The following RASGRF1 variants were observed in gnomAD, a reference collection of about 807,000 sequenced individuals.
RASGRF1 encodes the protein ras-specific guanine nucleotide-releasing factor 1.
Under a neutral mutation model 138.7 loss-of-function variants are expected in RASGRF1, and 40 were observed. The observed-to-expected ratio is 0.29, with a 90% CI of 0.22 to 0.38. The LOEUF (loss-of-function observed/expected upper bound fraction) is 0.38. RASGRF1 is among the 10% of genes least tolerant of loss of function. The probability of loss-of-function intolerance (pLI) is 1.00; values close to 1 mark genes in which losing one functional copy is unlikely to be tolerated. For synonymous variants in RASGRF1, 614 were observed against 663.2 expected, an observed-to-expected ratio of 0.93 and a Z score of 1.14; for missense variants, 1,108 against 1,650.4, an observed-to-expected ratio of 0.67 and a Z score of 5.69.
chr15:79,056,830 G>A (rs776407681), intron 3 of RASGRF1, among the ~76,000 whole-genome samples: 5 of 152,158 alleles, frequency 3.3e-5, no homozygotes, highest in Non-Finnish European at 5.9e-5. Flanking sequence ...AGGTGTGATG[G>A]GGCCCTATGC....
intron 23 of RASGRF1, 175 bp downstream of exon 23, chr15:78,984,832 C>A: frequency 1.5e-6 from 1 of 678,464 alleles, no homozygotes; most frequent in Admixed American, 2.2e-5. Context: ...TATCTGTGGG[C>A]CTGCTATCTG....
chr15:78,974,298 C>T (rs2055830279), intron 24 of RASGRF1, among the ~76,000 whole-genome samples: 1 of 152,246 alleles, frequency 6.6e-6, no homozygotes, highest in Admixed American at 6.5e-5. Context: ...CAGCTCAGCA[C>T]ACAGATGCGG....
chr15:79,083,413 C>T (rs146318698), intron 1 of RASGRF1, among the ~76,000 whole-genome samples: 25 of 152,336 alleles, frequency 1.6e-4, no homozygotes, highest in African/African-American at 6.0e-4. Flanking sequence ...ACACGGGCAC[C>T]GGCTCCATGC....
chr15:79,004,852 C>T lies in RASGRF1; in HGVS notation c.2076-677G>A, dbSNP rs955018067. On this transcript the variant is annotated intron_variant, in intron 14 of 26. Coordinates refer to ENST00000558480, the MANE Select transcript of RASGRF1 (RefSeq NM_001145648.3). ...AGGATAGGATTGATCTTTTAACCCTCACTGTTGCCCCAGGACGTAGGCACT... is the reference window on the plus strand; with the variant it reads ...AGGATAGGATTGATCTTTTAACCCTTACTGTTGCCCCAGGACGTAGGCACT... The T allele has an allele frequency of 4.1e-6, 4 of 984,944 alleles. No homozygotes were observed. In the African/African-American group the frequency reaches 7.0e-5, roughly 17 times the overall value. The allele number at this position is 984,944 out of a possible 1,614,324, so 61.0% of individuals were successfully genotyped here. A position where few individuals can be genotyped will look rare whatever the true frequency, so the allele number is the denominator to read the frequency against.
intron 23 of RASGRF1, chr15:78,981,442 C>T (rs770289625): frequency 2.0e-5 from 3 of 152,228 alleles, no homozygotes; most frequent in Non-Finnish European, 4.4e-5. Flanking sequence ...TAGAGACTTC[C>T]TTTGCAGCTC....
At chr15:78,998,639 C>A (rs2304995) in intron 18 of RASGRF1, 80 bp downstream of exon 18, 1 of 1,236,432 alleles carries the variant, frequency 8.1e-7, no homozygotes, top group African/African-American at 1.5e-5. Context: ...CTGCCCGCAG[C>A]TGCTTTTGGA....
At position 79,027,937 on chromosome 15, in the gene RASGRF1, C is replaced by A. The variant is rs2057083598; in HGVS notation, c.1263-78G>T. 1.4e-6 allele frequency: 2 copies of A among 1,423,428 alleles called. No individual in the cohort carries two copies. The highest frequency in any genetic ancestry group is 1.7e-5 in the Admixed American group (1 of 59,184). The allele number at this position is 1,423,428 out of a possible 1,614,324, so 88.2% of individuals were successfully genotyped here. A position where few individuals can be genotyped will look rare whatever the true frequency, so the allele number is the denominator to read the frequency against. On this transcript the variant is annotated intron_variant, in intron 8 of 26. Transcript: ENST00000558480. This position sits in a 1 kb window ranked among gnomAD's most constrained non-coding sequence, Gnocchi z 4.8. ...GGAGGCGAGAATGCCAGGCTTCTGG[C>A]CAGACCTAGGAAGAAAGCCTGGCAC...
Position 79,006,051 on chromosome 15 carries a change from T to G in RASGRF1, c.2075+135A>C. The G allele has an allele frequency of 7.7e-7, 1 of 1,296,272 alleles. No individual in the cohort carries two copies. The highest frequency in any genetic ancestry group is 1.1e-6 in the Non-Finnish European group (1 of 941,564). 80.3% of individuals were successfully genotyped at this position (1,296,272 alleles called of 1,614,324 possible). A position where few individuals can be genotyped will look rare whatever the true frequency, so the allele number is the denominator to read the frequency against. On this transcript the variant is annotated intron_variant, in intron 14 of 26. Transcript: ENST00000558480. This position sits in a 1 kb window ranked among gnomAD's most constrained non-coding sequence, Gnocchi z 4.0. ...GGAGAGGGGGCAGTGGCGGTGTGTGTCCCGCAGCACCCCAACACGTTACTG... is the reference window on the plus strand; with the variant it reads ...GGAGAGGGGGCAGTGGCGGTGTGTGGCCCGCAGCACCCCAACACGTTACTG...
chr15:79,037,510 A>G (rs1038553889), intron 5 of RASGRF1, among the ~76,000 whole-genome samples: 2 of 151,828 alleles, frequency 1.3e-5, no homozygotes, highest in African/African-American at 4.8e-5. Flanking sequence ...CTAGGCTGCA[A>G]TGCCATGGCG....
intron 20 of RASGRF1, among the ~76,000 whole-genome samples, chr15:78,995,338 AGC>A (rs2056369694): frequency 7.0e-6 from 1 of 141,952 alleles, no homozygotes; most frequent in Non-Finnish European, 1.5e-5. Context: ...CCTAGGCTGG[AGC>A]GTGCAGTGGA....
At chr15:79,078,527 G>A (rs549828422) in intron 1 of RASGRF1, among the ~76,000 whole-genome samples, 1 of 152,234 alleles carries the variant, frequency 6.6e-6, no homozygotes, top group Non-Finnish European at 1.5e-5. Flanking sequence ...GAGCAGGAAG[G>A]CAGTCCACGG....
Position 79,004,100 on chromosome 15 carries a change from G to A in RASGRF1, c.2151C>T (p.Ala717=). The A allele has an allele frequency of 1.2e-6, 2 of 1,613,922 alleles. No individual in the cohort carries two copies. The highest frequency in any genetic ancestry group is 1.7e-6 in the Non-Finnish European group (2 of 1,179,986). Residue 717 remains alanine, a synonymous_variant, in exon 15 of 27, where the codon GCC becomes GCT. Coordinates refer to ENST00000558480, the MANE Select transcript of RASGRF1 (RefSeq NM_001145648.3). ...GTGGCGGCGAGGAGAACTTGCGGGTGGCGCGCGGGGACTTGGGGGGTTCAC... is the reference window on the plus strand; with the variant it reads ...GTGGCGGCGAGGAGAACTTGCGGGTAGCGCGCGGGGACTTGGGGGGTTCAC... The part of the protein sequence containing the change: ...LYGEPPKSPR[A]TRKFSSPPPL...
intron 1 of RASGRF1, among the ~76,000 whole-genome samples, chr15:79,072,692 T>G (rs142194729): frequency 4.6e-5 from 7 of 152,340 alleles, no homozygotes; most frequent in African/African-American, 1.7e-4. Context: ...CTGGCTGACC[T>G]GAGTCACCTT....
intron 24 of RASGRF1, chr15:78,978,636 G>A (rs1036107708): frequency 1.0e-6 from 1 of 1,003,284 alleles, no homozygotes; most frequent in African/African-American, 1.7e-5. Context: ...GGAGGTCATT[G>A]GCTATGCCCA....
intron 1 of RASGRF1, among the ~76,000 whole-genome samples, chr15:79,079,538 C>A (rs1375566350): frequency 6.6e-6 from 1 of 151,506 alleles, no homozygotes; most frequent in African/African-American, 2.4e-5. Context: ...AATGTACTTG[C>A]AGAGAATCCT....
intron 1 of RASGRF1, among the ~76,000 whole-genome samples, chr15:79,089,487 G>A (rs1355986394): frequency 6.6e-6 from 1 of 152,166 alleles, no homozygotes; most frequent in African/African-American, 2.4e-5. Context: ...CGCGACTGCG[G>A]CGGCGGCGGC....
chr15:78,971,908 G>A lies in RASGRF1; in HGVS notation c.3639C>T (p.Arg1213=), dbSNP rs1427193217. The part of the protein sequence containing the change: ...RMISHIIREI[R]QFQQTAYKIE... ...TTTTGTAGGCAGTTTGTTGAAACTGGCGAATCTCTCGGATAATATGGGATA... is the reference window on the plus strand; with the variant it reads ...TTTTGTAGGCAGTTTGTTGAAACTGACGAATCTCTCGGATAATATGGGATA... Residue 1213 remains arginine, a synonymous_variant, in exon 26 of 27, where the codon CGC becomes CGT. Transcript: ENST00000558480. 1.3e-6 allele frequency: 2 copies of A among 1,590,468 alleles called. No homozygotes were observed. The highest frequency in any genetic ancestry group is 1.7e-6 in the Non-Finnish European group (2 of 1,158,528).
At chr15:79,002,521 C>T (rs1411806159) in intron 15 of RASGRF1, among the ~76,000 whole-genome samples, 1 of 152,176 alleles carries the variant, frequency 6.6e-6, no homozygotes, top group African/African-American at 2.4e-5. Flanking sequence ...CATGCACACG[C>T]ACACACATTT....
intron 24 of RASGRF1, among the ~76,000 whole-genome samples, chr15:78,976,722 T>C (rs574193516): frequency 6.6e-6 from 1 of 152,310 alleles, no homozygotes; most frequent in East Asian, 1.9e-4. Context: ...GGGAAGCATG[T>C]TGGGGCTTCC....
Sources: allele counts gnomAD v4.1 joint callset (sites outside exome capture counted in the v4.1 genomes callset), GRCh38; gene constraint gnomAD v4.1.1; non-coding constraint Gnocchi (gnomAD v3.1); transcripts MANE v1.5; gene names NCBI Gene and HGNC (gene_info 2026-07-23, HGNC 2026-07-21).